The following LRRC37A2 variants were observed in gnomAD, a reference collection of about 807,000 sequenced individuals.
LRRC37A2 encodes the protein leucine-rich repeat-containing protein 37A2.
A neutral mutation model predicts 68.8 loss-of-function variants in LRRC37A2; 9 were observed. The ratio of observed to expected loss-of-function variants is 0.13; its 90% CI spans 0.08 to 0.23. The LOEUF is 0.23. Ranked by LOEUF, LRRC37A2 falls within the 10% of genes least tolerant of loss-of-function variation. The probability of loss-of-function intolerance (pLI) is 1.00; values close to 1 mark genes in which losing one functional copy is unlikely to be tolerated. For missense variants in LRRC37A2, 168 were observed against 950.4 expected, an observed-to-expected ratio of 0.18 and a Z score of 10.82; for synonymous variants, 63 against 367.6, an observed-to-expected ratio of 0.17 and a Z score of 9.48.
the LRRC37A2 span, among the ~76,000 whole-genome samples, chr17:46,924,039 T>G: frequency 2.0e-5 from 3 of 152,234 alleles, no homozygotes; most frequent in Non-Finnish European, 4.4e-5. Context: ...TCAGTGACAT[T>G]GAGTACATTC....
the LRRC37A2 span, among the ~76,000 whole-genome samples, chr17:46,892,533 C>T: frequency 2.6e-5 from 4 of 152,356 alleles, no homozygotes; most frequent in South Asian, 2.1e-4. Flanking sequence ...CTTCCACCAT[C>T]GGACTGATTT....
the LRRC37A2 span, among the ~76,000 whole-genome samples, chr17:46,494,583 G>T: frequency 6.6e-6 from 1 of 151,218 alleles, no homozygotes; most frequent in Non-Finnish European, 1.5e-5. Context: ...AGAAAAACAG[G>T]TAGTGGATTG....
At chr17:47,044,606 C>T in the LRRC37A2 span, among the ~76,000 whole-genome samples, 5 of 151,434 alleles carry the variant, frequency 3.3e-5, no homozygotes, top group African/African-American at 1.2e-4. Flanking sequence ...TTAGCAACTA[C>T]TGATTCCAGA....
At chr17:46,823,771 T>C in the LRRC37A2 span, among the ~76,000 whole-genome samples, 1 of 151,586 alleles carries the variant, frequency 6.6e-6, no homozygotes, top group African/African-American at 2.4e-5. Flanking sequence ...CGATTTGCGG[T>C]GAAAGTCCTT....
the LRRC37A2 span, among the ~76,000 whole-genome samples, chr17:46,821,943 G>A: frequency 6.6e-6 from 1 of 152,252 alleles, no homozygotes; most frequent in Non-Finnish European, 1.5e-5. Context: ...TCGCGGGGAA[G>A]GAGGAGGAAA....
the LRRC37A2 span, among the ~76,000 whole-genome samples, chr17:46,798,218 T>G: frequency 2.0e-5 from 3 of 152,224 alleles, no homozygotes; most frequent in African/African-American, 7.2e-5. Flanking sequence ...CATGAGCCAC[T>G]GTGCCCAGCC....
At chr17:46,595,527 G>A in the LRRC37A2 span, among the ~76,000 whole-genome samples, 6 of 123,486 alleles carry the variant, frequency 4.9e-5, 1 homozygote, top group African/African-American at 1.3e-4. Context: ...GTCTTGCTCC[G>A]TCACCCAGGC....
the LRRC37A2 span, among the ~76,000 whole-genome samples, chr17:46,945,763 G>A: frequency 1.9e-3 from 290 of 152,288 alleles, 5 homozygotes; most frequent in African/African-American, 6.7e-3. Flanking sequence ...TGAGGCAGAA[G>A]CTCAGGGAGT....
the LRRC37A2 span, among the ~76,000 whole-genome samples, chr17:47,002,113 A>AT: frequency 6.6e-6 from 1 of 151,958 alleles, no homozygotes; most frequent in African/African-American, 2.4e-5. Flanking sequence ...TACAGTGTGT[A>AT]TTTTTTTGGT....
At chr17:46,727,905 G>A in the LRRC37A2 span, among the ~76,000 whole-genome samples, 4 of 152,124 alleles carry the variant, frequency 2.6e-5, no homozygotes, top group Non-Finnish European at 5.9e-5. Context: ...AAGTATTAGA[G>A]TCTCAGAAAA....
chr17:46,876,399 C>A, the LRRC37A2 span: 3 of 1,613,796 alleles, frequency 1.9e-6, no homozygotes, highest in African/African-American at 1.3e-5. Flanking sequence ...TCCAGTGCCA[C>A]CAATGAGGCC....
chr17:46,610,023 T>G, the LRRC37A2 span, among the ~76,000 whole-genome samples: 3 of 81,266 alleles, frequency 3.7e-5, no homozygotes, highest in East Asian at 2.3e-4. Flanking sequence ...CTTTCTTTCT[T>G]TCTTTCTCTC....
chr17:46,838,390 G>C, the LRRC37A2 span, among the ~76,000 whole-genome samples: 1 of 151,712 alleles, frequency 6.6e-6, no homozygotes, highest in Non-Finnish European at 1.5e-5. Context: ...TTTTTGGAAG[G>C]CCAAGGCAGG....
chr17:46,763,027 T>C, the LRRC37A2 span: 1 of 152,052 alleles, frequency 6.6e-6, no homozygotes, highest in Non-Finnish European at 1.5e-5. Context: ...GGGGGTGAGA[T>C]GTGTATCTTT....
At chr17:47,019,462 C>T in the LRRC37A2 span, 32 of 1,601,960 alleles carry the variant, frequency 2.0e-5, no homozygotes, top group Non-Finnish European at 2.6e-5. Context: ...GCCATAACTC[C>T]AGAGCCCACT....
chr17:46,773,432 G>T, the LRRC37A2 span, among the ~76,000 whole-genome samples: 1 of 152,166 alleles, frequency 6.6e-6, no homozygotes, highest in African/African-American at 2.4e-5. Context: ...AGCCAGGAAG[G>T]AAGTCTGTGG....
At chr17:46,999,005 C>T in the LRRC37A2 span, among the ~76,000 whole-genome samples, 2 of 152,198 alleles carry the variant, frequency 1.3e-5, no homozygotes, top group Non-Finnish European at 2.9e-5. Context: ...ACCTCCCTCC[C>T]AGACCATCAT....
chr17:47,017,739 G>A, the LRRC37A2 span: 5 of 1,610,866 alleles, frequency 3.1e-6, no homozygotes, highest in Non-Finnish European at 4.2e-6. Flanking sequence ...TTTGCAGAAT[G>A]AATATTCCAG....
chr17:46,776,451 C>T, the LRRC37A2 span, among the ~76,000 whole-genome samples: 9 of 152,214 alleles, frequency 5.9e-5, no homozygotes, highest in Admixed American at 3.9e-4. Context: ...GTAATCCTCA[C>T]GGCAGGTCTG....
Sources: allele counts gnomAD v4.1 joint callset (sites outside exome capture counted in the v4.1 genomes callset), GRCh38; gene constraint gnomAD v4.1.1; transcripts MANE v1.5; gene names NCBI Gene and HGNC (gene_info 2026-07-23, HGNC 2026-07-21).